The following RAPGEF2 variants were observed in gnomAD, a reference collection of about 807,000 sequenced individuals.
RAPGEF2 encodes Rap guanine nucleotide exchange factor 2.
A neutral mutation model predicts 186.7 loss-of-function variants in RAPGEF2; 54 were observed. The ratio of observed to expected loss-of-function variants is 0.29; its 90% CI spans 0.23 to 0.36. RAPGEF2 has a LOEUF of 0.36. RAPGEF2 is among the 10% of genes least tolerant of loss of function. The pLI, the probability that RAPGEF2 is intolerant of heterozygous loss-of-function variation, is 1.00. For synonymous variants in RAPGEF2, 712 were observed against 705.9 expected (o/e 1.01, Z -0.14); for missense variants, 1,532 against 2,045.0 (o/e 0.75, Z 4.84).
At chr4:159,322,060 A>G (rs1369443008) in intron 9 of RAPGEF2, among the ~76,000 whole-genome samples, 1 of 152,194 alleles carries the variant, frequency 6.6e-6, no homozygotes, top group Non-Finnish European at 1.5e-5. Flanking sequence ...CATTTACAAT[A>G]GAAATTTCCC....
Position 159,355,970 on chromosome 4 carries a change from A to G in RAPGEF2, c.4769A>G (p.Asn1590Ser). The change falls in exon 29 of 30, where the codon AAC (asparagine) becomes AGC (serine). Residue 1590 changes from asparagine (N) to serine (S), a missense_variant. Around this residue, in one of 4 missense-constraint regions of RAPGEF2, gnomAD observed 594 missense variants for 608.5 expected, o/e 0.98. Coordinates refer to ENST00000691494, the MANE Select transcript of RAPGEF2 (RefSeq NM_001394067.2). ...SHPARKPPDY[N>S]VALQRSRMVA... Reference sequence around the variant, plus strand: ...CCAGCCAGGAAACCGCCGGACTACAACGTGGCCCTTCAGAGATCGCGGATG... The same window carrying G: ...CCAGCCAGGAAACCGCCGGACTACAGCGTGGCCCTTCAGAGATCGCGGATG... The G allele has an allele frequency of 1.2e-6, 2 of 1,612,684 alleles. No homozygotes were observed. Among genetic ancestry groups the G allele is most frequent in the Non-Finnish European group, 1.7e-6 (2 of 1,179,490 alleles).
intron 7 of RAPGEF2, among the ~76,000 whole-genome samples, chr4:159,269,940 C>G (rs1010037596): frequency 2.0e-5 from 3 of 152,198 alleles, no homozygotes; most frequent in African/African-American, 7.2e-5. Flanking sequence ...ACAGATATTA[C>G]CCAATAGTGC....
intron 7 of RAPGEF2, among the ~76,000 whole-genome samples, chr4:159,279,199 A>G (rs72967710): frequency 0.092 from 14,068 of 152,194 alleles, 2,161 homozygotes; most frequent in African/African-American, 0.32. Flanking sequence ...CTGCCTCCAC[A>G]TACTAAAGAA....
rs766372043 is a variant in RAPGEF2, at chr4:159,329,911, G to A, written c.1203G>A (p.Lys401=). 1.2e-6 allele frequency: 2 copies of A among 1,613,330 alleles called. No homozygotes were observed. The highest frequency in any genetic ancestry group is 1.3e-5 in the African/African-American group (1 of 74,940). The change falls in exon 12 of 30, where the codon AAG becomes AAA. Residue 401 remains lysine (K), a synonymous_variant. Transcript: ENST00000691494. ...DYCRILNQVE[K]NMQKVEEEGE... ...GCCGTATTCTCAATCAAGTAGAAAAGAACATGCAAAAAGTTGAAGAGGAAG... is the reference window on the plus strand; with the variant it reads ...GCCGTATTCTCAATCAAGTAGAAAAAAACATGCAAAAAGTTGAAGAGGAAG...
intron 4 of RAPGEF2, among the ~76,000 whole-genome samples, chr4:159,228,903 A>C (rs1383242064): frequency 6.6e-6 from 1 of 152,208 alleles, no homozygotes; most frequent in African/African-American, 2.4e-5. Flanking sequence ...ATATGTTACT[A>C]ATTTTTGAGA....
At chr4:159,165,028 TCA>T (rs1259550941) in intron 1 of RAPGEF2, among the ~76,000 whole-genome samples, 1 of 152,194 alleles carries the variant, frequency 6.6e-6, no homozygotes, top group Admixed American at 6.5e-5. Context: ...TAAAAAAATC[TCA>T]CACAAAGAGC....
At chr4:159,118,459 A>G (rs1739291144) in intron 1 of RAPGEF2, among the ~76,000 whole-genome samples, 1 of 152,138 alleles carries the variant, frequency 6.6e-6, no homozygotes, top group Non-Finnish European at 1.5e-5. Flanking sequence ...AGTACACAAT[A>G]AATGTAATAT....
At chr4:159,116,205 T>C (rs1739033803) in intron 1 of RAPGEF2, among the ~76,000 whole-genome samples, 2 of 151,948 alleles carry the variant, frequency 1.3e-5, no homozygotes, top group African/African-American at 2.4e-5. Context: ...AGGCCTAATA[T>C]CCACAATCTA....
rs764668934 is a variant in RAPGEF2, at chr4:159,193,107, A to G, written c.141-93A>G. 60 of 576,442 alleles carry G rather than the reference A, an allele frequency of 1.0e-4. 1 individual carries two copies. The highest frequency in any genetic ancestry group is 3.3e-4 in the South Asian group (5 of 15,128). 35.7% of individuals were successfully genotyped at this position (576,442 alleles called of 1,614,324 possible). A position where few individuals can be genotyped will look rare whatever the true frequency, so the allele number is the denominator to read the frequency against. Reference sequence around the variant, plus strand: ...TGTGACAAACCATATAAAATAATCAATTTTCTAGACTGTATGTGTCATTTA... The same window carrying G: ...TGTGACAAACCATATAAAATAATCAGTTTTCTAGACTGTATGTGTCATTTA... On this transcript the variant is annotated intron_variant, in intron 2 of 29. Transcript: ENST00000691494.
At chr4:159,351,212 G>C in intron 26 of RAPGEF2, 1 of 1,523,048 alleles carries the variant, frequency 6.6e-7, no homozygotes, top group Non-Finnish European at 8.8e-7. Flanking sequence ...AATGGGGTGG[G>C]AAAGAGAGGA....
intron 6 of RAPGEF2, among the ~76,000 whole-genome samples, chr4:159,242,696 G>GT (rs997048714): frequency 7.3e-6 from 1 of 136,924 alleles, no homozygotes; most frequent in African/African-American, 2.9e-5. Flanking sequence ...ACCATGAAAG[G>GT]TTTTTTTGTT....
rs148171171 is a variant in RAPGEF2 at position 159,113,428 on chromosome 4, A to T, written c.69+9197A>T. ...TTTTTTGTGAACCTGAAAAGGGGAT[A>T]CCAAATTATTACTTTTTAAGACATC... On this transcript the variant is annotated intron_variant, in intron 1 of 29. Coordinates refer to ENST00000691494, the MANE Select transcript of RAPGEF2 (RefSeq NM_001394067.2). 2.7e-3 allele frequency among the ~76,000 whole-genome samples: 411 copies of T among 152,304 alleles called. 1 individual carries two copies. The highest frequency in any genetic ancestry group is 9.2e-3 in the African/African-American group (384 of 41,572).
At chr4:159,267,171 G>A in intron 7 of RAPGEF2, 1 of 1,286,232 alleles carries the variant, frequency 7.8e-7, no homozygotes, top group African/African-American at 1.5e-5. Flanking sequence ...AGACTACAGT[G>A]TCTTGCTTTC....
intron 7 of RAPGEF2, among the ~76,000 whole-genome samples, chr4:159,267,501 C>A (rs929870653): frequency 7.2e-5 from 11 of 152,150 alleles, no homozygotes; most frequent in Admixed American, 5.2e-4. Flanking sequence ...ATTGTGCAAA[C>A]TTGGTTAGTG....
chr4:159,255,506 C>A (rs567321355), intron 7 of RAPGEF2, among the ~76,000 whole-genome samples: 5 of 152,028 alleles, frequency 3.3e-5, no homozygotes, highest in Admixed American at 6.6e-5. Context: ...AAAATTCTTT[C>A]GGTAATCAGC....
chr4:159,223,578 G>T (rs1171178433), intron 4 of RAPGEF2, among the ~76,000 whole-genome samples: 3 of 152,056 alleles, frequency 2.0e-5, no homozygotes, highest in Non-Finnish European at 4.4e-5. Flanking sequence ...CAGTCATTAG[G>T]CAGACTTAAT....
At chr4:159,224,142 G>A (rs560001576) in intron 4 of RAPGEF2, among the ~76,000 whole-genome samples, 7 of 152,234 alleles carry the variant, frequency 4.6e-5, no homozygotes, top group African/African-American at 1.7e-4. Flanking sequence ...GAAGTGGTCC[G>A]CCTGCCTTGG....
chr4:159,222,789 G>T (rs942250579), intron 4 of RAPGEF2, among the ~76,000 whole-genome samples: 1 of 152,074 alleles, frequency 6.6e-6, no homozygotes, highest in African/African-American at 2.4e-5. Context: ...AATAACAAGA[G>T]TAAGAATATG....
rs1456918330 is a variant in RAPGEF2 at position 159,358,682 on chromosome 4, A to C, written c.*543A>C. The C allele has an allele frequency of 1.3e-5, 2 of 152,282 alleles. No homozygotes were observed. The highest frequency in any genetic ancestry group is 2.4e-5 in the African/African-American group (1 of 41,426). 9.4% of individuals were successfully genotyped at this position (152,282 alleles called of 1,614,324 possible). A position where few individuals can be genotyped will look rare whatever the true frequency, so the allele number is the denominator to read the frequency against. On this transcript the variant is annotated 3_prime_UTR_variant, in exon 30 of 30. Coordinates refer to ENST00000691494, the MANE Select transcript of RAPGEF2 (RefSeq NM_001394067.2). ...ACAATGTCCTCCTTTTAAAAAAAAA[A>C]AATGAGTTTAAAGATTTTGTTCAGA...
Sources: allele counts gnomAD v4.1 joint callset (sites outside exome capture counted in the v4.1 genomes callset), GRCh38; gene constraint gnomAD v4.1.1; regional missense constraint gnomAD v4.1.1; transcripts MANE v1.5; gene names NCBI Gene and HGNC (gene_info 2026-07-23, HGNC 2026-07-21).